Variants in CNKSR2 observed in about 807,000 individuals in gnomAD.
CNKSR2 encodes the protein connector enhancer of kinase suppressor of Ras 2.
Under a neutral mutation model 84.4 loss-of-function variants are expected in CNKSR2, and 14 were observed. The ratio of observed to expected loss-of-function variants is 0.17; its 90% CI spans 0.11 to 0.26. The LOEUF is 0.26. Ranked by LOEUF, CNKSR2 falls within the 10% of genes least tolerant of loss-of-function variation. CNKSR2 has a pLI of 1.00. For missense variants in CNKSR2, 485 were observed against 771.2 expected (o/e 0.63, Z 4.40); for synonymous variants, 275 against 277.9 (o/e 0.99, Z 0.10).
chrX:21,590,604 A>G lies in CNKSR2; in HGVS notation c.1641A>G (p.Ser547=), dbSNP rs2092414542. 1 of 1,209,346 alleles carries G rather than the reference A, an allele frequency of 8.3e-7. No homozygotes were observed. Among genetic ancestry groups the G allele is most frequent in the Non-Finnish European group, 1.1e-6 (1 of 894,061 alleles). ...TFQQSSLQHK[S]KKKNKGPIAG... is the part of the protein sequence containing the mutation. ...AGCAGTCCTCACTGCAGCACAAATC[A>G]AAGAAGAAAAACAAAGGTAAGAAAA... Residue 547 remains serine (S), a synonymous_variant, in exon 14 of 22, where the codon TCA becomes TCG. Transcript: ENST00000379510.
intron 20 of CNKSR2, among the ~76,000 whole-genome samples, chrX:21,634,622 T>C (rs1196292549): frequency 9.0e-6 from 1 of 110,731 alleles, no homozygotes; most frequent in Non-Finnish European, 1.9e-5. Flanking sequence ...TCATAAAGAA[T>C]GTTACAGTAT....
intron 10 of CNKSR2, among the ~76,000 whole-genome samples, chrX:21,529,286 C>T (rs768320383): frequency 5.4e-5 from 6 of 111,063 alleles, no homozygotes; most frequent in Admixed American, 9.6e-5. Context: ...AGATAAAACA[C>T]TCATGTATGT....
intron 8 of CNKSR2, among the ~76,000 whole-genome samples, chrX:21,512,774 G>GTTTTC (rs1238623734): frequency 9.0e-6 from 1 of 111,411 alleles, no homozygotes; most frequent in African/African-American, 3.3e-5. Flanking sequence ...GTTTTGTTTT[G>GTTTTC]TTTTCTGGTG....
At chrX:21,462,011 G>A (rs2091067063) in intron 4 of CNKSR2, among the ~76,000 whole-genome samples, 1 of 111,446 alleles carries the variant, frequency 9.0e-6, no homozygotes, top group African/African-American at 3.3e-5. Flanking sequence ...GATAGCTTTG[G>A]CTATTCTTTT....
At chrX:21,439,546 G>A (rs966680098) in intron 3 of CNKSR2, among the ~76,000 whole-genome samples, 1 of 110,289 alleles carries the variant, frequency 9.1e-6, no homozygotes, top group Admixed American at 9.7e-5. Context: ...AATAAGTACG[G>A]AGCAATAAGA....
chrX:21,501,664 A>G, intron 8 of CNKSR2, 76 bp downstream of exon 8: 1 of 486,279 alleles, frequency 2.1e-6, no homozygotes. Context: ...ATGCCAATGA[A>G]ATGAAATTCC....
intron 13 of CNKSR2, among the ~76,000 whole-genome samples, chrX:21,567,615 A>AT (rs2092249892): frequency 9.0e-6 from 1 of 111,678 alleles, no homozygotes; most frequent in African/African-American, 3.3e-5. Flanking sequence ...TTTCCCTGCC[A>AT]TCTCATTACA....
At position 21,644,798 on chromosome X, in the gene CNKSR2, T is replaced by C. The variant is rs749042517; in HGVS notation, c.2693-4033T>C. The C allele has an allele frequency of 4.5e-5, 5 of 112,233 alleles. No individual in the cohort carries two copies. In the East Asian group the frequency reaches 1.1e-3, roughly 25 times the overall value. 9.2% of individuals were successfully genotyped at this position (112,233 alleles called of 1,213,427 possible). A position where few individuals can be genotyped will look rare whatever the true frequency, so the allele number is the denominator to read the frequency against. ...ATCCTTTTGAATTTCTTTCTGTGTA[T>C]GTTTTATAACTTCTATCTATTACTA... On this transcript the variant is annotated intron_variant, in intron 20 of 21. Coordinates refer to ENST00000379510, the MANE Select transcript of CNKSR2 (RefSeq NM_014927.5).
chrX:21,485,438 T>C (rs924735190), intron 5 of CNKSR2, among the ~76,000 whole-genome samples: 6 of 110,878 alleles, frequency 5.4e-5, no homozygotes, highest in East Asian at 5.7e-4. Flanking sequence ...CCAGCGTGTA[T>C]GTGTGTGTGT....
intron 1 of CNKSR2, among the ~76,000 whole-genome samples, chrX:21,377,963 T>A: frequency 9.0e-6 from 1 of 111,425 alleles, no homozygotes; most frequent in African/African-American, 3.2e-5. Context: ...GAGATGGAAA[T>A]ATAAAATGTA....
At chrX:21,471,751 A>G (rs1483643915) in intron 5 of CNKSR2, among the ~76,000 whole-genome samples, 1 of 111,482 alleles carries the variant, frequency 9.0e-6, no homozygotes, top group Non-Finnish European at 1.9e-5. Context: ...CTCATTGTGC[A>G]GTAGTGATGC....
At chrX:21,557,370 A>G (rs2092148965) in intron 11 of CNKSR2, among the ~76,000 whole-genome samples, 1 of 111,257 alleles carries the variant, frequency 9.0e-6, no homozygotes, top group South Asian at 3.7e-4. Flanking sequence ...ACTTGCCATC[A>G]ATATCATAAT....
chrX:21,513,113 A>T lies in CNKSR2; in HGVS notation c.811-3372A>T, dbSNP rs186513241. Among the ~76,000 whole-genome samples the T allele has an allele frequency of 3.5e-3, 388 of 112,292 alleles. 2 individuals carry two copies. The highest frequency in any genetic ancestry group is 0.012 in the African/African-American group (371 of 31,019). On this transcript the variant is annotated intron_variant, in intron 8 of 21. Coordinates refer to ENST00000379510, the MANE Select transcript of CNKSR2 (RefSeq NM_014927.5). ...GATTATTCGGTAGCTATTAACGTGGACAAGCTAAACAGTTGGAAATATGAC... is the reference window on the plus strand; with the variant it reads ...GATTATTCGGTAGCTATTAACGTGGTCAAGCTAAACAGTTGGAAATATGAC...
intron 20 of CNKSR2, among the ~76,000 whole-genome samples, chrX:21,647,259 G>T (rs950575253): frequency 8.9e-6 from 1 of 112,233 alleles, no homozygotes; most frequent in African/African-American, 3.2e-5. Flanking sequence ...CTAATAGAAG[G>T]ACTCAATGAC....
chrX:21,378,533 A>G (rs1017440629), intron 1 of CNKSR2, among the ~76,000 whole-genome samples: 1 of 111,474 alleles, frequency 9.0e-6, no homozygotes, highest in African/African-American at 3.3e-5. Flanking sequence ...TTGAGTCCCC[A>G]GACCATCTCT....
chrX:21,611,562 A>T (rs1301900496), intron 20 of CNKSR2, among the ~76,000 whole-genome samples: 1 of 112,333 alleles, frequency 8.9e-6, no homozygotes, highest in Non-Finnish European at 1.9e-5. Context: ...GGTTTCCAGT[A>T]GTCCACAGAG....
At chrX:21,625,874 T>C (rs924117773) in intron 20 of CNKSR2, among the ~76,000 whole-genome samples, 11 of 111,971 alleles carry the variant, frequency 9.8e-5, no homozygotes, top group African/African-American at 3.2e-4. Flanking sequence ...AGTGTTCAGC[T>C]TGTACCCGCA....
chrX:21,559,302 T>C (rs111889399), intron 11 of CNKSR2, among the ~76,000 whole-genome samples: 6,607 of 109,916 alleles, frequency 0.06, 218 homozygotes, highest in African/African-American at 0.11. Flanking sequence ...GGATTCAGGG[T>C]GAGCTGCTCC....
intron 20 of CNKSR2, among the ~76,000 whole-genome samples, chrX:21,614,214 A>G (rs2092565877): frequency 9.0e-6 from 1 of 111,083 alleles, no homozygotes; most frequent in African/African-American, 3.3e-5. Flanking sequence ...AAGATTTTCT[A>G]AAGGTCATGA....
Sources: gnomAD v4.1 joint callset for allele counts (sites outside exome capture counted in the v4.1 genomes callset) on GRCh38, gnomAD v4.1.1 for gene constraint, MANE v1.5 for transcripts, NCBI Gene and HGNC (gene_info 2026-07-23, HGNC 2026-07-21) for gene names.